Variants in CHERP observed in about 807,000 individuals in gnomAD.
CHERP encodes calcium homeostasis endoplasmic reticulum protein.
Under a neutral mutation model 113.8 loss-of-function variants are expected in CHERP, and 8 were observed. The ratio of observed to expected loss-of-function variants is 0.07; its 90% CI spans 0.04 to 0.13. The LOEUF is 0.13. Ranked by LOEUF, CHERP falls within the 10% of genes least tolerant of loss-of-function variation. The pLI, the probability that CHERP is intolerant of heterozygous loss-of-function variation, is 1.00. For missense variants in CHERP, 884 were observed against 1,298.2 expected, an observed-to-expected ratio of 0.68 and a Z score of 4.90; for synonymous variants, 559 against 524.5, an observed-to-expected ratio of 1.07 and a Z score of -0.90.
rs369446543 is a variant in CHERP at position 16,528,303 on chromosome 19, G to A, written c.1130-48C>T. 3.2e-5 allele frequency: 48 copies of A among 1,507,894 alleles called. 1 individual carries two copies. The East Asian group carries it at 4.8e-4, about 15-fold the overall frequency. The allele number at this position is 1,507,894 out of a possible 1,614,324, so 93.4% of individuals were successfully genotyped here. A position where few individuals can be genotyped will look rare whatever the true frequency, so the allele number is the denominator to read the frequency against. On this transcript the variant is annotated intron_variant, in intron 8 of 16. Coordinates refer to ENST00000546361, the MANE Select transcript of CHERP (RefSeq NM_006387.6). ...TAGAGCAGGCCTGGCAGCAGGAGGCGCTGTCTCCTCTCCACACTACCCCAG... is the reference window on the plus strand; with the variant it reads ...TAGAGCAGGCCTGGCAGCAGGAGGCACTGTCTCCTCTCCACACTACCCCAG...
At chr19:16,529,259 C>A (rs1693527009) in intron 8 of CHERP, among the ~76,000 whole-genome samples, 3 of 152,236 alleles carry the variant, frequency 2.0e-5, no homozygotes, top group African/African-American at 7.2e-5. Flanking sequence ...CTCAAGCGAT[C>A]TGCCCATCTT....
intron 2 of CHERP, among the ~76,000 whole-genome samples, chr19:16,538,037 G>A (rs2085753070): frequency 6.6e-6 from 1 of 152,114 alleles, no homozygotes; most frequent in African/African-American, 2.4e-5. Flanking sequence ...TTAAGGCGTG[G>A]GGTGCAGAAC....
chr19:16,520,749 G>GT lies in CHERP; in HGVS notation c.2201+76dup, dbSNP rs1329905758. The GT allele has an allele frequency of 1.4e-5, 20 of 1,399,952 alleles. No individual in the cohort carries two copies. The East Asian group carries it at 3.4e-4, about 24-fold the overall frequency. The allele number at this position is 1,399,952 out of a possible 1,614,324, so 86.7% of individuals were successfully genotyped here. A position where few individuals can be genotyped will look rare whatever the true frequency, so the allele number is the denominator to read the frequency against. On this transcript the variant is annotated intron_variant, in intron 13 of 16. Coordinates refer to ENST00000546361, the MANE Select transcript of CHERP (RefSeq NM_006387.6). This position sits in a 1 kb window ranked among gnomAD's most constrained non-coding sequence, Gnocchi z 4.0. Reference sequence around the variant, plus strand: ...CTGTGTGAGGGTGGACGTGATGAGTGTATCTGGGGTCTGCTCCCACCCATC... The same window carrying GT: ...CTGTGTGAGGGTGGACGTGATGAGTGTTATCTGGGGTCTGCTCCCACCCATC...
At chr19:16,533,642 C>T (rs978878774) in intron 3 of CHERP, among the ~76,000 whole-genome samples, 2 of 152,022 alleles carry the variant, frequency 1.3e-5, no homozygotes, top group African/African-American at 4.8e-5. Flanking sequence ...TGCCTGTGTT[C>T]CCAACTACTT....
rs760516331 is a variant in CHERP at position 16,520,402 on chromosome 19, C to T, written c.2307G>A (p.Ser769=). ...GGGAGTAGGAACGGGAGCAGGAGCG[C>T]GACCTTGACCTTGAGTACGAGCCTG... ...KSSGSYSRSR[S]RSCSRSYSRS... The change falls in exon 14 of 17, where the codon TCG becomes TCA. Residue 769 remains serine (S), a synonymous_variant. Transcript: ENST00000546361. This position sits in a 1 kb window ranked among gnomAD's most constrained non-coding sequence, Gnocchi z 4.0. 1.9e-5 allele frequency: 30 copies of T among 1,613,916 alleles called. No individual in the cohort carries two copies. The highest frequency in any genetic ancestry group is 3.3e-5 in the South Asian group (3 of 91,084).
At chr19:16,521,710 C>T (rs1330826699) in intron 11 of CHERP, 56 bp from the exon 12 acceptor site, 2 of 1,479,886 alleles carry the variant, frequency 1.4e-6, no homozygotes, top group East Asian at 5.0e-5. Context: ...CTCAGGCCCA[C>T]CCAGGGTCTG....
Position 16,535,771 on chromosome 19 carries a change from T to G in CHERP, c.200-135A>C. 2 of 807,296 alleles carry G rather than the reference T, an allele frequency of 2.5e-6. No individual in the cohort carries two copies. Among genetic ancestry groups the G allele is most frequent in the Non-Finnish European group, 3.7e-6 (2 of 534,206 alleles). 50.0% of individuals were successfully genotyped at this position (807,296 alleles called of 1,614,324 possible). A position where few individuals can be genotyped will look rare whatever the true frequency, so the allele number is the denominator to read the frequency against. On this transcript the variant is annotated intron_variant, in intron 2 of 16. Transcript: ENST00000546361. The surrounding 1 kb of genome is among the most constrained non-coding windows in gnomAD (Gnocchi z 4.3). ...CCACGAGGGCCTGTTCATAGCCTCA[T>G]GCCCACGCAAACCAGCTCCTCCTAG...
rs2085582169 is a variant in CHERP, at chr19:16,519,191, C to A, written c.2719G>T (p.Ala907Ser). 3 of 1,613,754 alleles carry A rather than the reference C, an allele frequency of 1.9e-6. No individual in the cohort carries two copies. The highest frequency in any genetic ancestry group is 1.1e-5 in the South Asian group (1 of 91,090). Reference sequence around the variant, plus strand: ...CACTCGTCCCTGGCCTTCATGCGGGCGATGAAGGAGTAGCTCTTGTTCCTG... The same window carrying A: ...CACTCGTCCCTGGCCTTCATGCGGGAGATGAAGGAGTAGCTCTTGTTCCTG... ...YRRNKSYSFI[A>S]RMKARDECK Residue 907 changes from alanine (A) to serine (S), a missense_variant, in exon 17 of 17, where the codon GCC becomes TCC. By Grantham distance (99) the Ala-to-Ser change is moderately conservative. Around this residue, in one of 8 missense-constraint regions of CHERP, gnomAD observed 42 missense variants for 105.1 expected, o/e 0.40. Coordinates refer to ENST00000546361, the MANE Select transcript of CHERP (RefSeq NM_006387.6). This position sits in a 1 kb window ranked among gnomAD's most constrained non-coding sequence, Gnocchi z 6.0.
At chr19:16,524,680 G>A (rs1267192777) in intron 10 of CHERP, among the ~76,000 whole-genome samples, 2 of 152,034 alleles carry the variant, frequency 1.3e-5, no homozygotes, top group South Asian at 2.1e-4. Flanking sequence ...TTGAGCTCAG[G>A]AGTTTGAAAG....
Position 16,532,933 on chromosome 19 carries a change from CCCAGATTGGCTA to C in CHERP, c.522+66_522+77del, listed in dbSNP as rs1258975403. 3 of 1,537,284 alleles carry C rather than the reference CCCAGATTGGCTA, an allele frequency of 2.0e-6. No individual in the cohort carries two copies. The African/African-American group carries it at 4.1e-5, about 21-fold the overall frequency. ...GGGCACCCATTGTAACAGCCCTTAGCCCAGATTGGCTACGACAGGCCCTGCCTCAGGGAGGGA... is the reference window on the plus strand; with the variant it reads ...GGGCACCCATTGTAACAGCCCTTAGCCGACAGGCCCTGCCTCAGGGAGGGA... On this transcript the variant is annotated intron_variant, in intron 4 of 16. Transcript: ENST00000546361. This position sits in a 1 kb window ranked among gnomAD's most constrained non-coding sequence, Gnocchi z 4.4.
At position 16,520,003 on chromosome 19, in the gene CHERP, T is replaced by C. The variant is rs2085593873; in HGVS notation, c.2462+146A>G. On this transcript the variant is annotated intron_variant, in intron 15 of 16. Coordinates refer to ENST00000546361, the MANE Select transcript of CHERP (RefSeq NM_006387.6). This position sits in a 1 kb window ranked among gnomAD's most constrained non-coding sequence, Gnocchi z 4.0. ...CTCAGGCTTCGCCAAGTGGCTACTG[T>C]GGTGAAGGGTGAGGGGTGCCACTGT... is the stretch of plus-strand genomic sequence containing the variant. 1.2e-6 allele frequency: 1 copy of C among 852,622 alleles called. No homozygotes were observed. Among genetic ancestry groups the C allele is most frequent in the Admixed American group, 2.2e-5 (1 of 44,494 alleles). The allele number at this position is 852,622 out of a possible 1,614,324, so 52.8% of individuals were successfully genotyped here. A position where few individuals can be genotyped will look rare whatever the true frequency, so the allele number is the denominator to read the frequency against.
intron 9 of CHERP, among the ~76,000 whole-genome samples, chr19:16,527,438 G>C (rs139200901): frequency 2.1e-4 from 32 of 152,194 alleles, no homozygotes; most frequent in African/African-American, 7.5e-4. Context: ...ACCTGTCCCT[G>C]CAGACAGGGA....
chr19:16,520,279 T>G lies in CHERP; in HGVS notation c.2346-14A>C. ...CTGCTCCGACTTCTGCAGGGAAGGGTGCCCAAGGGTCAGCAGCAGCCAGGC... is the reference window on the plus strand; with the variant it reads ...CTGCTCCGACTTCTGCAGGGAAGGGGGCCCAAGGGTCAGCAGCAGCCAGGC... On this transcript the variant is annotated splice_polypyrimidine_tract_variant and intron_variant, in intron 14 of 16. Transcript: ENST00000546361. The surrounding 1 kb of genome is among the most constrained non-coding windows in gnomAD (Gnocchi z 4.0). 5 of 1,612,472 alleles carry G rather than the reference T, an allele frequency of 3.1e-6. No individual in the cohort carries two copies. The highest frequency in any genetic ancestry group is 4.2e-6 in the Non-Finnish European group (5 of 1,179,656).
Position 16,520,501 on chromosome 19 carries a change from G to C in CHERP, c.2208C>G (p.Pro736=). ...RKGQEKRNSG[P]SRSRSRSKSR... is the part of the protein sequence containing the mutation. ...TCTTGGATCTGCTCCGAGACCTCGA[G>C]GGTCCGCTGTGGGGAGAGGCCTGAT... Residue 736 remains proline, a synonymous_variant, in exon 14 of 17, where the codon CCC becomes CCG. Coordinates refer to ENST00000546361, the MANE Select transcript of CHERP (RefSeq NM_006387.6). This position sits in a 1 kb window ranked among gnomAD's most constrained non-coding sequence, Gnocchi z 4.0. The C allele has an allele frequency of 6.2e-7, 1 of 1,612,882 alleles. No individual in the cohort carries two copies. The highest frequency in any genetic ancestry group is 8.5e-7 in the Non-Finnish European group (1 of 1,179,388).
Position 16,520,932 on chromosome 19 carries a change from G to C in CHERP, c.2115-20C>G. ...CCTTCACTGTAAGACACGGCATTCC[G>C]TGTGTGACCACGTGACACCCACCCA... is the stretch of plus-strand genomic sequence containing the variant. On this transcript the variant is annotated intron_variant, in intron 12 of 16. Transcript: ENST00000546361. The surrounding 1 kb of genome is among the most constrained non-coding windows in gnomAD (Gnocchi z 4.0). 6.2e-7 allele frequency: 1 copy of C among 1,606,526 alleles called. No homozygotes were observed. The highest frequency in any genetic ancestry group is 8.5e-7 in the Non-Finnish European group (1 of 1,173,920).
In CHERP at chr19:16,521,249, T is replaced by G. The variant is rs557431508; in HGVS notation, c.2114+272A>C. ...AAGGAGGGGTGACCACTGGGAAGGG[T>G]GGGCTGAGGGCCCTGTGGCAGCCGG... On this transcript the variant is annotated intron_variant, in intron 12 of 16. Coordinates refer to ENST00000546361, the MANE Select transcript of CHERP (RefSeq NM_006387.6). 7 of 567,738 alleles carry G rather than the reference T, an allele frequency of 1.2e-5. No individual in the cohort carries two copies. The East Asian group carries it at 2.0e-4, about 17-fold the overall frequency. The allele number at this position is 567,738 out of a possible 1,614,324, so 35.2% of individuals were successfully genotyped here. A position where few individuals can be genotyped will look rare whatever the true frequency, so the allele number is the denominator to read the frequency against.
At chr19:16,529,552 G>A in intron 8 of CHERP, 96 bp downstream of exon 8, 2 of 1,411,930 alleles carry the variant, frequency 1.4e-6, no homozygotes. Context: ...AACAAGAACT[G>A]AGTCTGAGGG....
chr19:16,528,767 C>G (rs1338855062), intron 8 of CHERP, among the ~76,000 whole-genome samples: 1 of 152,176 alleles, frequency 6.6e-6, no homozygotes, highest in Non-Finnish European at 1.5e-5. Context: ...TCCTGGCTAA[C>G]ACGGTGAAAC....
rs149342606 is a variant in CHERP, at chr19:16,537,325, A to T, written c.200-1689T>A. ...AACCCCTCTCCCGTTGGACCCTCAC[A>T]TGCTGGGGTGCGCGGCCTGTGTTCT... On this transcript the variant is annotated intron_variant, in intron 2 of 16. Transcript: ENST00000546361. 2.6e-3 allele frequency among the ~76,000 whole-genome samples: 400 copies of T among 151,296 alleles called. 2 individuals are homozygous for T. Among genetic ancestry groups the T allele is most frequent in the African/African-American group, 7.7e-3 (318 of 41,226 alleles).
Sources: allele counts gnomAD v4.1 joint callset (sites outside exome capture counted in the v4.1 genomes callset), GRCh38; gene constraint gnomAD v4.1.1; regional missense constraint gnomAD v4.1.1; non-coding constraint Gnocchi (gnomAD v3.1); transcripts MANE v1.5; gene names NCBI Gene and HGNC (gene_info 2026-07-23, HGNC 2026-07-21).